The following SLC5A10 variants were observed in gnomAD, a reference collection of about 807,000 sequenced individuals.
SLC5A10 encodes solute carrier family 5 member 10.
SLC5A10 carries 55 observed loss-of-function variants against 68.9 expected under a neutral mutation model. That is an observed-to-expected ratio of 0.80 (90% CI 0.64 to 1.00). SLC5A10 has a LOEUF of 1.00. Ranked by LOEUF, SLC5A10 falls within the 50% of genes least tolerant of loss-of-function variation. The pLI is 0.00. For synonymous variants in SLC5A10, 344 were observed against 344.8 expected, an observed-to-expected ratio of 1.00 and a Z score of 0.02; for missense variants, 732 against 819.3, an observed-to-expected ratio of 0.89 and a Z score of 1.30.
At chr17:18,969,550 G>A in intron 7 of SLC5A10, 128 bp downstream of exon 7, 1 of 842,626 alleles carries the variant, frequency 1.2e-6, no homozygotes. Context: ...GAGTGGGTGG[G>A]TTCAGGAGGT....
chr17:19,003,904 G>A lies in SLC5A10; in HGVS notation c.983-9506G>A, dbSNP rs2043804822. On this transcript the variant is annotated intron_variant, in intron 9 of 14. Transcript: ENST00000395645. The surrounding 1 kb of genome is among the most constrained non-coding windows in gnomAD (Gnocchi z 4.5). ...TGTTCTCCCGCTTGAGCACCTCGTA[G>A]AAGGCGTCCCGGCCGCGGGCCACCA... The A allele has an allele frequency of 1.9e-6, 3 of 1,612,880 alleles. No individual in the cohort carries two copies. The highest frequency in any genetic ancestry group is 2.5e-6 in the Non-Finnish European group (3 of 1,179,938).
intron 5 of SLC5A10, among the ~76,000 whole-genome samples, chr17:18,967,230 G>C (rs1021551421): frequency 6.6e-6 from 1 of 152,210 alleles, no homozygotes; most frequent in Non-Finnish European, 1.5e-5. Context: ...ATGCCATGTA[G>C]TGTCCAGTCT....
intron 1 of SLC5A10, among the ~76,000 whole-genome samples, chr17:18,955,259 T>C (rs890451370): frequency 6.6e-6 from 1 of 152,144 alleles, no homozygotes; most frequent in East Asian, 1.9e-4. Context: ...TAAGCCCAGC[T>C]CCCCTCGTGT....
intron 9 of SLC5A10, chr17:18,988,285 T>A (rs1459353525): frequency 6.2e-7 from 1 of 1,613,956 alleles, no homozygotes; most frequent in Admixed American, 1.7e-5. Flanking sequence ...CGCTCACACA[T>A]GTGCAGGAAG....
At position 19,020,376 on chromosome 17, in the gene SLC5A10, T is replaced by A. The variant is rs2044243258; in HGVS notation, c.1736T>A (p.Phe579Tyr). 1.9e-6 allele frequency: 3 copies of A among 1,614,020 alleles called. No homozygotes were observed. The highest frequency in any genetic ancestry group is 1.3e-5 in the African/African-American group (1 of 74,934). Residue 579 changes from phenylalanine (F) to tyrosine (Y), a missense_variant, in exon 15 of 15, where the codon TTC (phenylalanine) becomes TAC (tyrosine). Physicochemically the swap from Phe to Tyr is conservative, Grantham distance 22. Transcript: ENST00000395645. ...KHAFWARVCG[F>Y]NAILLMCVNI... ...GCCTTCTGGGCCCGTGTCTGTGGCTTCAATGCCATCCTCCTCATGTGTGTC... is the reference window on the plus strand; with the variant it reads ...GCCTTCTGGGCCCGTGTCTGTGGCTACAATGCCATCCTCCTCATGTGTGTC...
intron 1 of SLC5A10, among the ~76,000 whole-genome samples, chr17:18,954,398 G>C (rs1383902959): frequency 6.6e-6 from 1 of 152,244 alleles, no homozygotes; most frequent in African/African-American, 2.4e-5. Flanking sequence ...ACCTCTCCTA[G>C]TGAGTCAGCT....
At chr17:18,977,218 T>C in intron 9 of SLC5A10, 1 of 624,764 alleles carries the variant, frequency 1.6e-6, no homozygotes, top group South Asian at 2.1e-5. Context: ...CTCAAGGCTG[T>C]AAATGAACGT....
Position 19,019,888 on chromosome 17 carries a change from T to C in SLC5A10, c.1586T>C (p.Val529Ala), listed in dbSNP as rs1295969873. ...TTTGCACTCAGTGGTGCTGTTGTGGTGGCTGGAAGCCTGCTGACCCCACCC... is the reference window on the plus strand; with the variant it reads ...TTTGCACTCAGTGGTGCTGTTGTGGCGGCTGGAAGCCTGCTGACCCCACCC... ...ALFALSGAVVVAGSLLTPPPQ... is the reference protein window; with the variant it reads ...ALFALSGAVVAAGSLLTPPPQ... The change falls in exon 13 of 15, where the codon GTG becomes GCG. Residue 529 changes from valine (V) to alanine (A), a missense_variant. Coordinates refer to ENST00000395645, the MANE Select transcript of SLC5A10 (RefSeq NM_001042450.4). 3.1e-6 allele frequency: 5 copies of C among 1,611,724 alleles called. No individual in the cohort carries two copies. In the African/African-American group the frequency reaches 6.7e-5, roughly 22 times the overall value.
intron 9 of SLC5A10, chr17:18,977,950 G>A: frequency 1.9e-6 from 3 of 1,604,746 alleles, no homozygotes; most frequent in South Asian, 1.1e-5. Flanking sequence ...GCCCATTGGG[G>A]AGCCCCACCC....
chr17:18,971,290 T>G lies in SLC5A10; in HGVS notation c.846+72T>G. 6.2e-7 allele frequency: 1 copy of G among 1,609,772 alleles called. No homozygotes were observed. Among genetic ancestry groups the G allele is most frequent in the Non-Finnish European group, 8.5e-7 (1 of 1,177,118 alleles). On this transcript the variant is annotated intron_variant, in intron 8 of 14. Transcript: ENST00000395645. This position sits in a 1 kb window ranked among gnomAD's most constrained non-coding sequence, Gnocchi z 5.5. ...TGGGCTCTGGTAGGCCCAGGCGGCC[T>G]GTCTGCCCTCCGCGTCATGAGTCTG...
In SLC5A10 at chr17:19,003,738, T is replaced by A. The variant is rs1482077411; in HGVS notation, c.983-9672T>A. 2.5e-6 allele frequency: 4 copies of A among 1,605,196 alleles called. No individual in the cohort carries two copies. Among genetic ancestry groups the A allele is most frequent in the Non-Finnish European group, 3.4e-6 (4 of 1,175,852 alleles). Reference sequence around the variant, plus strand: ...TCGATGGGGACCCCATCCGCCCCGCTGGCTTCCTCGCCGTCGCCGACCCCA... The same window carrying A: ...TCGATGGGGACCCCATCCGCCCCGCAGGCTTCCTCGCCGTCGCCGACCCCA... On this transcript the variant is annotated intron_variant, in intron 9 of 14. Transcript: ENST00000395645. The surrounding 1 kb of genome is among the most constrained non-coding windows in gnomAD (Gnocchi z 4.5).
intron 1 of SLC5A10, among the ~76,000 whole-genome samples, chr17:18,956,235 A>G (rs1239427466): frequency 1.5e-5 from 2 of 136,896 alleles, no homozygotes; most frequent in African/African-American, 2.8e-5. Context: ...AAATAAATAA[A>G]TAAATAACAA....
chr17:18,959,572 C>A (rs776478457), intron 3 of SLC5A10, 32 bp from the exon 4 acceptor site: 2 of 1,610,204 alleles, frequency 1.2e-6, no homozygotes, highest in Non-Finnish European at 1.7e-6. Flanking sequence ...GGGAGCTGCA[C>A]CTGCAGTCCT....
intron 9 of SLC5A10, among the ~76,000 whole-genome samples, chr17:19,006,172 T>C (rs901725872): frequency 2.0e-5 from 3 of 152,192 alleles, no homozygotes; most frequent in Non-Finnish European, 4.4e-5. Flanking sequence ...AATACAATAA[T>C]ATCACAGCCA....
intron 9 of SLC5A10, among the ~76,000 whole-genome samples, chr17:18,998,971 C>T (rs1043403539): frequency 2.0e-5 from 3 of 152,180 alleles, no homozygotes; most frequent in Non-Finnish European, 4.4e-5. Context: ...ATTTAGCTGC[C>T]AAGGAGCCTC....
rs760144236 is a variant in SLC5A10, at chr17:18,969,380, A to C, written c.598A>C (p.Thr200Pro). Residue 200 changes from threonine (T) to proline (P), a missense_variant, in exon 7 of 15, where the codon ACG becomes CCG. Coordinates refer to ENST00000395645, the MANE Select transcript of SLC5A10 (RefSeq NM_001042450.4). ...AAVIYTDALQ[T>P]LIMVVGAVIL... Reference sequence around the variant, plus strand: ...TGTAATCTACACGGACGCCCTGCAGACGCTCATCATGGTGGTGGGGGCTGT... The same window carrying C: ...TGTAATCTACACGGACGCCCTGCAGCCGCTCATCATGGTGGTGGGGGCTGT... 3 of 1,613,750 alleles carry C rather than the reference A, an allele frequency of 1.9e-6. No homozygotes were observed. The Admixed American group carries it at 5.0e-5, about 27-fold the overall frequency.
intron 9 of SLC5A10, among the ~76,000 whole-genome samples, chr17:19,005,043 C>G (rs1163370950): frequency 1.3e-5 from 2 of 152,226 alleles, no homozygotes; most frequent in South Asian, 2.1e-4. Flanking sequence ...CCCTGTGCCC[C>G]CAGGGTCTGT....
At chr17:18,964,787 C>T (rs115571591) in intron 5 of SLC5A10, among the ~76,000 whole-genome samples, 208 of 152,250 alleles carry the variant, frequency 1.4e-3, no homozygotes, top group Middle Eastern at 0.01. Flanking sequence ...GTGGGGACCA[C>T]GCAGAGCCTC....
At chr17:18,970,911 G>T in intron 7 of SLC5A10, 102 bp from the exon 8 acceptor site, 1 of 1,073,962 alleles carries the variant, frequency 9.3e-7, no homozygotes, top group Non-Finnish European at 1.4e-6. Context: ...ACTCAAGTTT[G>T]ATGCATCAGG....
Sources: gnomAD v4.1 joint callset for allele counts (sites outside exome capture counted in the v4.1 genomes callset) on GRCh38, gnomAD v4.1.1 for gene constraint, Gnocchi (gnomAD v3.1) non-coding constraint, MANE v1.5 for transcripts, NCBI Gene and HGNC (gene_info 2026-07-23, HGNC 2026-07-21) for gene names.